CFAP46: variants seen among roughly 807,000 people sequenced by gnomAD.
CFAP46 encodes the protein cilia and flagella associated protein 46.
Under a neutral mutation model 325.7 loss-of-function variants are expected in CFAP46, and 245 were observed. The ratio of observed to expected loss-of-function variants is 0.75; its 90% CI spans 0.68 to 0.84. The LOEUF is 0.84. CFAP46 is among the 40% of genes least tolerant of loss of function. CFAP46 has a pLI of 0.00. For synonymous variants in CFAP46, 1,523 were observed against 1,495.9 expected, an observed-to-expected ratio of 1.02 and a Z score of -0.42; for missense variants, 3,346 against 3,543.0, an observed-to-expected ratio of 0.94 and a Z score of 1.41.
intron 17 of CFAP46, among the ~76,000 whole-genome samples, chr10:132,915,382 G>T (rs2135567060): frequency 6.6e-6 from 1 of 152,368 alleles, no homozygotes; most frequent in East Asian, 1.9e-4. Flanking sequence ...CGGAGCTGCT[G>T]CAGGAGAGGG....
chr10:132,926,759 G>T, intron 9 of CFAP46, 93 bp from the exon 10 acceptor site: 1 of 919,524 alleles, frequency 1.1e-6, no homozygotes, highest in Non-Finnish European at 1.7e-6. Context: ...AAATATTACT[G>T]GGTAGAGGTT....
chr10:132,887,653 C>T (rs1329830173), intron 25 of CFAP46, among the ~76,000 whole-genome samples: 6 of 93,434 alleles, frequency 6.4e-5, no homozygotes, highest in African/African-American at 2.5e-4. Flanking sequence ...CTCTCCTCTC[C>T]TCTCTCCTCT....
chr10:132,941,714 C>CAAGAGAACACCT lies in CFAP46; in HGVS notation c.182_183insAGGTGTTCTCTT (p.Gln61_Pro62insGlyValLeuLeu). The CAAGAGAACACCT allele has an allele frequency of 1.2e-6, 2 of 1,613,982 alleles. No individual in the cohort carries two copies. The highest frequency in any genetic ancestry group is 1.7e-6 in the Non-Finnish European group (2 of 1,180,022). On this transcript the variant is annotated inframe_insertion, in exon 3 of 58. Transcript: ENST00000368586. ...GGATGCAGTCCTCGCTCACCTCTGG[C>CAAGAGAACACCT]TGCCTCATCTGCAAGAGAACACCAC...
At chr10:132,816,349 T>TG (rs1554963617) in intron 50 of CFAP46, among the ~76,000 whole-genome samples, 2 of 147,098 alleles carry the variant, frequency 1.4e-5, no homozygotes, top group Non-Finnish European at 3.0e-5. Flanking sequence ...TTTTTTTTTT[T>TG]GAGACGGAGT....
intron 31 of CFAP46, among the ~76,000 whole-genome samples, chr10:132,875,536 A>C (rs957100251): frequency 6.6e-6 from 1 of 152,226 alleles, no homozygotes; most frequent in Non-Finnish European, 1.5e-5. Context: ...AAGGACAAAA[A>C]ACTAACAGAA....
At position 132,886,284 on chromosome 10, in the gene CFAP46, G is replaced by A. The variant is rs908814995; in HGVS notation, c.3305-325C>T. On this transcript the variant is annotated intron_variant, in intron 25 of 57. Coordinates refer to ENST00000368586, the MANE Select transcript of CFAP46 (RefSeq NM_001200049.3). The surrounding 1 kb of genome is among the most constrained non-coding windows in gnomAD (Gnocchi z 5.8). ...GTGTTTCCACGTATTAAAGATTGGC[G>A]AGCAGGACTTGGGGTCCTTTCAGGA... 5.9e-5 allele frequency among the ~76,000 whole-genome samples: 9 copies of A among 152,206 alleles called. No homozygotes were observed. Among genetic ancestry groups the A allele is most frequent in the South Asian group, 2.1e-4 (1 of 4,836 alleles).
intron 50 of CFAP46, among the ~76,000 whole-genome samples, chr10:132,821,358 G>GA (rs1243778277): frequency 6.6e-5 from 9 of 136,152 alleles, no homozygotes; most frequent in Non-Finnish European, 7.7e-5. Context: ...GATGTGTGCT[G>GA]TGTGTGCTGT....
At chr10:132,819,894 T>A (rs1847762193) in intron 50 of CFAP46, among the ~76,000 whole-genome samples, 1 of 152,148 alleles carries the variant, frequency 6.6e-6, no homozygotes, top group Non-Finnish European at 1.5e-5. Context: ...ACACGTGAGA[T>A]CACATCAAAC....
At chr10:132,833,575 C>G (rs1032215711) in intron 49 of CFAP46, 50 bp from the exon 50 acceptor site, 1 of 1,574,214 alleles carries the variant, frequency 6.4e-7, no homozygotes, top group South Asian at 1.1e-5. Context: ...GGGACCCCTC[C>G]CACGGGGTCG....
chr10:132,856,546 A>G (rs1409754609), intron 39 of CFAP46, among the ~76,000 whole-genome samples: 1 of 152,018 alleles, frequency 6.6e-6, no homozygotes, highest in Non-Finnish European at 1.5e-5. Context: ...TTCTGTTGCT[A>G]TGTCTCTAAG....
chr10:132,924,105 A>G (rs779627224), intron 11 of CFAP46, among the ~76,000 whole-genome samples: 1 of 152,030 alleles, frequency 6.6e-6, no homozygotes, highest in Non-Finnish European at 1.5e-5. Context: ...GTGATTCTCC[A>G]GCCACCCTGG....
At chr10:132,931,918 C>T (rs1591099016) in intron 8 of CFAP46, among the ~76,000 whole-genome samples, 21 of 143,420 alleles carry the variant, frequency 1.5e-4, no homozygotes, top group East Asian at 4.4e-4. Flanking sequence ...CTTTCCTCCT[C>T]CCCACGCAGA....
intron 27 of CFAP46, among the ~76,000 whole-genome samples, chr10:132,883,030 G>A (rs1397064818): frequency 6.6e-6 from 1 of 152,104 alleles, no homozygotes; most frequent in Non-Finnish European, 1.5e-5. Context: ...GAAGAAAACA[G>A]GGGAACCAAC....
At chr10:132,931,130 A>G (rs1343817117) in intron 8 of CFAP46, among the ~76,000 whole-genome samples, 9 of 30,614 alleles carry the variant, frequency 2.9e-4, no homozygotes, top group African/African-American at 1.1e-3. Context: ...CCTTCCCCAC[A>G]CTCCCCACGC....
rs781575108 is a variant in CFAP46, at chr10:132,814,156, GAA to G, written c.7382_7383del (p.Phe2461SerfsTer86). ...CCTGGGAGCCCAGATCCGAACCTGG[GAA>G]AGTGCTTGCTTCCCAGATGTCCCGC... ...RWAGHLGSKH[F>X]PSQAQWEQAL... is the part of the protein sequence containing the mutation. On this transcript the variant is annotated frameshift_variant, in exon 54 of 58. Transcript: ENST00000368586. LOFTEE classifies it high-confidence loss of function. 6.2e-7 allele frequency: 1 copy of G among 1,613,556 alleles called. No homozygotes were observed. Among genetic ancestry groups the G allele is most frequent in the South Asian group, 1.1e-5 (1 of 91,082 alleles).
At chr10:132,918,665 G>T in intron 15 of CFAP46, 145 bp from the exon 16 acceptor site, 2 of 1,111,132 alleles carry the variant, frequency 1.8e-6, no homozygotes, top group Non-Finnish European at 2.4e-6. Flanking sequence ...GGCGGGAGGT[G>T]GGCAGCTTGC....
chr10:132,908,474 A>T lies in CFAP46; in HGVS notation c.2918T>A (p.Phe973Tyr), dbSNP rs1461087667. The stretch of plus-strand genomic sequence containing the variant: ...AGTCATGAGGGTTACTTACGGCCCA[A>T]ATTTCTTCAGGTACTTGATGCCCAT... Reference protein sequence around the residue: ...LEMGIKYLKKFGPEESRLVAE... With the variant: ...LEMGIKYLKKYGPEESRLVAE... The change falls in exon 22 of 58, where the codon TTT becomes TAT. Residue 973 changes from phenylalanine to tyrosine, a missense_variant. By Grantham distance (22) the Phe-to-Tyr change is conservative. Coordinates refer to ENST00000368586, the MANE Select transcript of CFAP46 (RefSeq NM_001200049.3). 1 of 1,550,378 alleles carries T rather than the reference A, an allele frequency of 6.5e-7. No individual in the cohort carries two copies. The highest frequency in any genetic ancestry group is 8.7e-7 in the Non-Finnish European group (1 of 1,146,992).
At chr10:132,920,499 G>A (rs1266169795) in intron 13 of CFAP46, among the ~76,000 whole-genome samples, 2 of 152,216 alleles carry the variant, frequency 1.3e-5, no homozygotes, top group African/African-American at 2.4e-5. Flanking sequence ...TCCAAGCAGA[G>A]GCACCCGGCC....
At chr10:132,818,427 C>A (rs922181726) in intron 50 of CFAP46, among the ~76,000 whole-genome samples, 1 of 152,124 alleles carries the variant, frequency 6.6e-6, no homozygotes, top group Admixed American at 6.6e-5. Flanking sequence ...ACCCCGAACA[C>A]ACCTAATGAC....
Sources: allele counts gnomAD v4.1 joint callset (sites outside exome capture counted in the v4.1 genomes callset), GRCh38; gene constraint gnomAD v4.1.1; non-coding constraint Gnocchi (gnomAD v3.1); transcripts MANE v1.5; gene names NCBI Gene and HGNC (gene_info 2026-07-23, HGNC 2026-07-21).